EIPR1: variants seen among roughly 807,000 people sequenced by gnomAD.
EIPR1 encodes the protein EARP complex and GARP complex interacting protein 1.
In EIPR1, 25 loss-of-function variants were observed where a neutral mutation model predicts 48.1. That is an observed-to-expected ratio of 0.52 (90% CI 0.38 to 0.73). EIPR1 has a LOEUF of 0.73. EIPR1 is among the 30% of genes least tolerant of loss of function. The pLI is 0.00. For missense variants in EIPR1, 415 were observed against 506.2 expected (o/e 0.82, Z 1.73); for synonymous variants, 204 against 201.9 (o/e 1.01, Z -0.09).
At chr2:3,199,695 A>G (rs7423364) in intron 5 of EIPR1, among the ~76,000 whole-genome samples, 14 of 52,274 alleles carry the variant, frequency 2.7e-4, no homozygotes, top group South Asian at 7.3e-4. Context: ...GGCTGTGTCC[A>G]CATCTGGGCA....
chr2:3,312,120 G>C lies in EIPR1; in HGVS notation c.259+25897C>G, dbSNP rs1669148600. 6.6e-6 allele frequency among the ~76,000 whole-genome samples: 1 copy of C among 152,172 alleles called. No individual in the cohort carries two copies. Among genetic ancestry groups the C allele is most frequent in the South Asian group, 2.1e-4 (1 of 4,830 alleles). Reference sequence around the variant, plus strand: ...CCTCTGTCTGATAACTGAAGTGCCTGAAGATGAGTCTCGGGACGCTCCCAA... The same window carrying C: ...CCTCTGTCTGATAACTGAAGTGCCTCAAGATGAGTCTCGGGACGCTCCCAA... On this transcript the variant is annotated intron_variant, in intron 3 of 8. Coordinates refer to ENST00000382125, the MANE Select transcript of EIPR1 (RefSeq NM_003310.5). This position sits in a 1 kb window ranked among gnomAD's most constrained non-coding sequence, Gnocchi z 5.5.
chr2:3,211,263 C>A (rs1444064534), intron 5 of EIPR1, among the ~76,000 whole-genome samples: 1 of 133,740 alleles, frequency 7.5e-6, no homozygotes, highest in East Asian at 2.2e-4. Flanking sequence ...AAGTTCTCCA[C>A]TTTAACACTA....
chr2:3,275,632 C>T (rs1667826154), intron 3 of EIPR1, among the ~76,000 whole-genome samples: 1 of 151,940 alleles, frequency 6.6e-6, no homozygotes, highest in African/African-American at 2.4e-5. Context: ...TAACTGACAT[C>T]CCCCTTTTAT....
At chr2:3,317,524 T>C (rs1669349397) in intron 3 of EIPR1, among the ~76,000 whole-genome samples, 1 of 152,250 alleles carries the variant, frequency 6.6e-6, no homozygotes, top group Admixed American at 6.5e-5. Context: ...CATGAGGCGC[T>C]GACAGGCAGG....
At chr2:3,261,209 A>G (rs1233873357) in intron 3 of EIPR1, among the ~76,000 whole-genome samples, 1 of 152,144 alleles carries the variant, frequency 6.6e-6, no homozygotes, top group Non-Finnish European at 1.5e-5. Context: ...AGGGCTGTGG[A>G]GACAGTTAAT....
At chr2:3,331,150 C>A (rs1425484493) in intron 3 of EIPR1, among the ~76,000 whole-genome samples, 1 of 120,916 alleles carries the variant, frequency 8.3e-6, no homozygotes, top group African/African-American at 2.8e-5. Context: ...CGTGTGCACA[C>A]TCATGAGATG....
chr2:3,363,700 TAAGAA>T (rs1481615571), intron 1 of EIPR1, among the ~76,000 whole-genome samples: 1 of 142,304 alleles, frequency 7.0e-6, no homozygotes, highest in Non-Finnish European at 1.5e-5. Context: ...CATAAATATA[TAAGAA>T]AAGAAAAGAA....
chr2:3,224,973 G>C (rs1456809038), intron 4 of EIPR1, among the ~76,000 whole-genome samples: 1 of 152,224 alleles, frequency 6.6e-6, no homozygotes, highest in African/African-American at 2.4e-5. Context: ...GCCAGCACGA[G>C]GCTGGAGTGA....
At chr2:3,345,181 A>G (rs1259407694) in intron 2 of EIPR1, among the ~76,000 whole-genome samples, 1 of 152,150 alleles carries the variant, frequency 6.6e-6, no homozygotes, top group East Asian at 1.9e-4. Flanking sequence ...GAATGCCACC[A>G]GCTGCTTCTG....
intron 5 of EIPR1, among the ~76,000 whole-genome samples, chr2:3,209,908 T>A (rs1050620247): frequency 5.9e-5 from 9 of 152,176 alleles, no homozygotes; most frequent in African/African-American, 1.9e-4. Flanking sequence ...CACAGAGTAT[T>A]TTTAGGGCCG....
chr2:3,189,608 G>T lies in EIPR1; in HGVS notation c.990-100C>A. ...AGCGCTGACATCGGGAGACACGGGA[G>T]GTACTGGGGCCTCAGCTTTCTCCGC... is the stretch of plus-strand genomic sequence containing the variant. On this transcript the variant is annotated intron_variant, in intron 8 of 8. Coordinates refer to ENST00000382125, the MANE Select transcript of EIPR1 (RefSeq NM_003310.5). The surrounding 1 kb of genome is among the most constrained non-coding windows in gnomAD (Gnocchi z 4.6). The T allele has an allele frequency of 8.5e-7, 1 of 1,174,518 alleles. No individual in the cohort carries two copies. Among genetic ancestry groups the T allele is most frequent in the Middle Eastern group, 3.1e-4 (1 of 3,242 alleles). 72.8% of individuals were successfully genotyped at this position (1,174,518 alleles called of 1,614,324 possible). A position where few individuals can be genotyped will look rare whatever the true frequency, so the allele number is the denominator to read the frequency against.
chr2:3,212,775 G>T (rs1025632290), intron 5 of EIPR1, among the ~76,000 whole-genome samples: 1 of 152,176 alleles, frequency 6.6e-6, no homozygotes, highest in African/African-American at 2.4e-5. Context: ...AAAAGTTTGT[G>T]TGAAACTTGC....
At chr2:3,254,821 G>A (rs1667104816) in intron 4 of EIPR1, among the ~76,000 whole-genome samples, 1 of 152,156 alleles carries the variant, frequency 6.6e-6, no homozygotes, top group Non-Finnish European at 1.5e-5. Flanking sequence ...CACAATAAAT[G>A]GCACAGATGT....
chr2:3,208,531 A>C, intron 5 of EIPR1: 1 of 1,547,506 alleles, frequency 6.5e-7, no homozygotes, highest in Non-Finnish European at 8.7e-7. Flanking sequence ...TAAAAGGACT[A>C]CTTAAAAATA....
intron 3 of EIPR1, among the ~76,000 whole-genome samples, chr2:3,324,208 C>A (rs1250070505): frequency 6.6e-6 from 1 of 152,204 alleles, no homozygotes; most frequent in African/African-American, 2.4e-5. Flanking sequence ...CGACATGTGG[C>A]ACTGTGAAAG....
intron 3 of EIPR1, among the ~76,000 whole-genome samples, chr2:3,299,168 C>A (rs1668686117): frequency 6.6e-6 from 1 of 152,210 alleles, no homozygotes; most frequent in African/African-American, 2.4e-5. Context: ...CATCACAAGT[C>A]CTAGCTGTTG....
chr2:3,302,569 T>C (rs544761504), intron 3 of EIPR1, among the ~76,000 whole-genome samples: 1 of 152,320 alleles, frequency 6.6e-6, no homozygotes, highest in South Asian at 2.1e-4. Context: ...CTGAGTGCAG[T>C]TGGTGGATGG....
intron 1 of EIPR1, among the ~76,000 whole-genome samples, chr2:3,368,471 C>T (rs940448604): frequency 3.7e-4 from 56 of 152,280 alleles, no homozygotes; most frequent in Non-Finnish European, 4.1e-4. Context: ...CACCTGCAGG[C>T]CCTGCTTGCC....
intron 3 of EIPR1, among the ~76,000 whole-genome samples, chr2:3,299,216 C>A (rs144787080): frequency 6.6e-6 from 1 of 152,340 alleles, no homozygotes; most frequent in Non-Finnish European, 1.5e-5. Context: ...CACAGGGCCT[C>A]CCGCGTGAGC....
Sources: allele counts gnomAD v4.1 joint callset (sites outside exome capture counted in the v4.1 genomes callset), GRCh38; gene constraint gnomAD v4.1.1; non-coding constraint Gnocchi (gnomAD v3.1); transcripts MANE v1.5; gene names NCBI Gene and HGNC (gene_info 2026-07-23, HGNC 2026-07-21).